Variants in EFCAB5 observed in about 807,000 individuals in gnomAD.
The protein encoded by EFCAB5 is EF-hand calcium-binding domain-containing protein 5.
EFCAB5 carries 131 observed loss-of-function variants against 167.9 expected under a neutral mutation model. The ratio of observed to expected loss-of-function variants is 0.78; its 90% CI spans 0.68 to 0.90. The LOEUF (loss-of-function observed/expected upper bound fraction) is 0.90, where lower values mean the gene tolerates loss of function less well. EFCAB5 is among the 40% of genes least tolerant of loss of function. The probability of loss-of-function intolerance (pLI) is 0.00; values close to 1 mark genes in which losing one functional copy is unlikely to be tolerated. For missense variants in EFCAB5, 1,663 were observed against 1,745.2 expected (o/e 0.95, Z 0.84); for synonymous variants, 574 against 602.8 (o/e 0.95, Z 0.70).
At chr17:30,102,891 G>A (rs1211681368) in intron 22 of EFCAB5, among the ~76,000 whole-genome samples, 1 of 151,958 alleles carries the variant, frequency 6.6e-6, no homozygotes. Context: ...AAGTACAGTG[G>A]CACAATCTTG....
chr17:29,944,669 G>A (rs2067363100), intron 3 of EFCAB5, among the ~76,000 whole-genome samples: 1 of 150,504 alleles, frequency 6.6e-6, no homozygotes, highest in African/African-American at 2.5e-5. Context: ...TGTTGCCCAG[G>A]GCAGAGTGCA....
chr17:30,026,034 G>T (rs1483662714), intron 7 of EFCAB5, among the ~76,000 whole-genome samples: 1 of 151,910 alleles, frequency 6.6e-6, no homozygotes, highest in African/African-American at 2.4e-5. Flanking sequence ...TGGGCGGAGG[G>T]GGGAGGGATA....
chr17:30,067,594 ATC>A lies in EFCAB5; in HGVS notation c.2737+7896_2737+7897del, dbSNP rs559885343. 4.8e-3 allele frequency among the ~76,000 whole-genome samples: 733 copies of A among 152,334 alleles called. 4 individuals are homozygous for A. The highest frequency in any genetic ancestry group is 7.8e-3 in the Non-Finnish European group (531 of 68,022). ...AGAATAGACAAAAAATTACATGACT[ATC>A]TCAATAGATGCAGGAAAAGCATTTG... On this transcript the variant is annotated intron_variant, in intron 14 of 22. Coordinates refer to ENST00000394835, the MANE Select transcript of EFCAB5 (RefSeq NM_198529.4).
chr17:30,082,936 C>A lies in EFCAB5; in HGVS notation c.3472C>A (p.Arg1158=), dbSNP rs775384672. ...FSTAYHYVHS[R]EHILHIVITG... ...CACTGCCTATCACTACGTCCACAGC[C>A]GGGAGCACATTCTGCATATTGTGAT... The change falls in exon 18 of 23, where the codon CGG becomes AGG. Residue 1158 remains arginine (R), a synonymous_variant. Transcript: ENST00000394835. 2 of 1,613,900 alleles carry A rather than the reference C, an allele frequency of 1.2e-6. No homozygotes were observed. Among genetic ancestry groups the A allele is most frequent in the South Asian group, 2.2e-5 (2 of 91,076 alleles).
intron 2 of EFCAB5, among the ~76,000 whole-genome samples, chr17:29,943,299 A>C (rs2067329882): frequency 6.6e-6 from 1 of 152,166 alleles, no homozygotes; most frequent in African/African-American, 2.4e-5. Context: ...GTACATCTAA[A>C]ATGATATTCC....
intron 4 of EFCAB5, among the ~76,000 whole-genome samples, chr17:29,970,667 C>CACACACAT (rs776571731): frequency 2.9e-5 from 4 of 136,162 alleles, no homozygotes; most frequent in East Asian, 4.1e-4. Context: ...CACACACACA[C>CACACACAT]ATACACACAC....
At chr17:29,959,430 G>A (rs2067677995) in intron 3 of EFCAB5, among the ~76,000 whole-genome samples, 1 of 151,642 alleles carries the variant, frequency 6.6e-6, no homozygotes, top group Non-Finnish European at 1.5e-5. Context: ...GACCACCACA[G>A]CTGGGAATGT....
chr17:30,021,418 A>G (rs184984946), intron 7 of EFCAB5, among the ~76,000 whole-genome samples: 3 of 146,986 alleles, frequency 2.0e-5, no homozygotes, highest in Non-Finnish European at 4.5e-5. Context: ...GTGTGTTGTT[A>G]TATATAATAT....
chr17:30,015,794 C>T (rs1357852013), intron 7 of EFCAB5, among the ~76,000 whole-genome samples: 5 of 144,496 alleles, frequency 3.5e-5, no homozygotes, highest in East Asian at 2.0e-4. Context: ...GGTGGAGTCT[C>T]GCTCTGTTGC....
intron 7 of EFCAB5, among the ~76,000 whole-genome samples, chr17:30,005,140 G>C (rs535132370): frequency 6.6e-6 from 1 of 152,212 alleles, no homozygotes; most frequent in Admixed American, 6.5e-5. Context: ...TTGTGTTCTT[G>C]GTTATACTGA....
intron 14 of EFCAB5, among the ~76,000 whole-genome samples, chr17:30,077,381 ATGTG>A (rs927242948): frequency 6.6e-6 from 1 of 151,746 alleles, no homozygotes; most frequent in African/African-American, 2.4e-5. Flanking sequence ...GCGTGTGTGC[ATGTG>A]TGTGTGTGTA....
chr17:30,080,831 G>C lies in EFCAB5; in HGVS notation c.3276G>C (p.Gln1092His), dbSNP rs774245025. ...QYHGNIFFWNQSRNKHDYNGS... is the reference protein window; with the variant it reads ...QYHGNIFFWNHSRNKHDYNGS... The stretch of plus-strand genomic sequence containing the variant: ...ATGGGAACATCTTCTTCTGGAACCA[G>C]TCCCGTAATAAGCATGATTATAATG... Residue 1092 changes from glutamine to histidine, a missense_variant, in exon 17 of 23, where the codon CAG (glutamine) becomes CAC (histidine). Physicochemically the swap from Gln to His is conservative, Grantham distance 24. Transcript: ENST00000394835. The C allele has an allele frequency of 4.3e-6, 7 of 1,613,606 alleles. No individual in the cohort carries two copies. The African/African-American group carries it at 6.7e-5, about 15-fold the overall frequency.
At chr17:29,987,289 G>C (rs1219486386) in intron 4 of EFCAB5, among the ~76,000 whole-genome samples, 1 of 152,114 alleles carries the variant, frequency 6.6e-6, no homozygotes, top group Non-Finnish European at 1.5e-5. Flanking sequence ...TGATATGTCT[G>C]CAACCGGTGG....
At chr17:29,963,501 C>A (rs753315954) in intron 3 of EFCAB5, among the ~76,000 whole-genome samples, 3 of 152,010 alleles carry the variant, frequency 2.0e-5, no homozygotes, top group Non-Finnish European at 2.9e-5. Context: ...GGAATATTGG[C>A]CTATAATTTT....
chr17:30,053,195 A>C, intron 9 of EFCAB5, 60 bp from the exon 10 acceptor site: 1 of 1,506,722 alleles, frequency 6.6e-7, no homozygotes, highest in East Asian at 2.3e-5. Flanking sequence ...TTAATTTAAT[A>C]GCTCTAATTC....
chr17:30,027,293 CTTTTTTTTTTTT>C (rs906468665), intron 7 of EFCAB5, among the ~76,000 whole-genome samples: 1 of 67,366 alleles, frequency 1.5e-5, no homozygotes, highest in Non-Finnish European at 3.0e-5. Flanking sequence ...CCACACCAGT[CTTTTTTTTTTTT>C]TTTTTTTTTT....
Position 30,053,522 on chromosome 17 carries a change from T to C in EFCAB5, c.1568T>C (p.Ile523Thr), listed in dbSNP as rs370735499. The change falls in exon 10 of 23, where the codon ATT becomes ACT. Residue 523 changes from isoleucine (I) to threonine (T), a missense_variant. Physicochemically the swap from Ile to Thr is moderately conservative, Grantham distance 89 (BLOSUM62 -1). Transcript: ENST00000394835. Reference protein sequence around the residue: ...TAEQGPQRISIEEQQQGKKPT... With the variant: ...TAEQGPQRISTEEQQQGKKPT... ...GAACAAGGACCACAAAGAATTTCAA[T>C]TGAAGAACAACAACAAGGCAAAAAG... 45 of 1,613,860 alleles carry C rather than the reference T, an allele frequency of 2.8e-5. 1 individual carries two copies. Among genetic ancestry groups the C allele is most frequent in the Middle Eastern group, 3.3e-4 (2 of 6,062 alleles).
At chr17:29,948,117 C>T (rs371193187) in intron 3 of EFCAB5, among the ~76,000 whole-genome samples, 9 of 152,134 alleles carry the variant, frequency 5.9e-5, no homozygotes, top group African/African-American at 2.2e-4. Flanking sequence ...TGAGCCACCG[C>T]GCCTGGCCTA....
At chr17:29,973,100 A>C (rs1033906795) in intron 4 of EFCAB5, 9 of 152,558 alleles carry the variant, frequency 5.9e-5, no homozygotes, top group African/African-American at 2.2e-4. Flanking sequence ...TGGCCACCCC[A>C]GCCTTGGTCC....
Sources: allele counts gnomAD v4.1 joint callset (sites outside exome capture counted in the v4.1 genomes callset), GRCh38; gene constraint gnomAD v4.1.1; transcripts MANE v1.5; gene names NCBI Gene and HGNC (gene_info 2026-07-23, HGNC 2026-07-21).